The following MACROD2 variants were observed in gnomAD, a reference collection of about 807,000 sequenced individuals.
MACROD2 encodes mono-ADP ribosylhydrolase 2, also known as ADP-ribose glycohydrolase MACROD2.
MACROD2 carries 36 observed loss-of-function variants against 70.4 expected under a neutral mutation model. The ratio of observed to expected loss-of-function variants is 0.51; its 90% confidence interval spans 0.39 to 0.68. The LOEUF is 0.68. Among genes scored for constraint, MACROD2 ranks in the 30% least tolerant of loss-of-function variants. The pLI is 0.00. For missense variants in MACROD2, 496 were observed against 538.4 expected (o/e 0.92, Z 0.78); for synonymous variants, 172 against 178.8 (o/e 0.96, Z 0.30).
rs576723796 is a variant in MACROD2 at position 15,007,380 on chromosome 20, A to C, written c.419-222560A>C. 3.6e-3 allele frequency among the ~76,000 whole-genome samples: 484 copies of C among 132,792 alleles called. 3 individuals carry two copies. Among genetic ancestry groups the C allele is most frequent in the African/African-American group, 0.013 (465 of 36,346 alleles). 87.1% of individuals were successfully genotyped at this position (132,792 alleles called of 152,430 possible). On this transcript the variant is annotated intron_variant, in intron 5 of 17. Transcript: ENST00000684519. ...CTCCATCTCAAAAACAAAAACAAACAAAAAAAAAACACAAAAAAGCCCAGG... is the reference window on the plus strand; with the variant it reads ...CTCCATCTCAAAAACAAAAACAAACCAAAAAAAAACACAAAAAAGCCCAGG...
chr20:15,105,245 A>G (rs1375827503), intron 5 of MACROD2, among the ~76,000 whole-genome samples: 2 of 152,006 alleles, frequency 1.3e-5, no homozygotes, highest in Non-Finnish European at 2.9e-5. Flanking sequence ...TCTATTTGTA[A>G]ATGGTTGTCC....
At position 14,594,668 on chromosome 20, in the gene MACROD2, C is replaced by T. The variant is rs539820622; in HGVS notation, c.302-90175C>T. Among the ~76,000 whole-genome samples, 8 of 152,274 alleles carry T rather than the reference C, an allele frequency of 5.3e-5. No homozygotes were observed. In the East Asian group the frequency reaches 1.2e-3, roughly 22 times the overall value. Reference sequence around the variant, plus strand: ...CAGCACTCTGGGAGGCCAAGGCAGGCGGATCATGAGGTCAGGAGTTTGAGA... The same window carrying T: ...CAGCACTCTGGGAGGCCAAGGCAGGTGGATCATGAGGTCAGGAGTTTGAGA... On this transcript the variant is annotated intron_variant, in intron 4 of 17. Coordinates refer to ENST00000684519, the MANE Select transcript of MACROD2 (RefSeq NM_001351661.2).
intron 5 of MACROD2, chr20:14,757,865 A>G: frequency 6.7e-7 from 1 of 1,500,244 alleles, no homozygotes; most frequent in South Asian, 1.1e-5. Flanking sequence ...AGGGACTGGC[A>G]GGCCTCGGCC....
chr20:15,833,558 T>C (rs961865368), intron 8 of MACROD2, among the ~76,000 whole-genome samples: 6 of 152,270 alleles, frequency 3.9e-5, no homozygotes, highest in African/African-American at 7.2e-5. Flanking sequence ...ATATGAAGGA[T>C]TGAGAAACGT....
chr20:15,220,664 T>A (rs990007030), intron 5 of MACROD2, among the ~76,000 whole-genome samples: 2 of 152,224 alleles, frequency 1.3e-5, no homozygotes, highest in African/African-American at 2.4e-5. Flanking sequence ...TCAAACTCTG[T>A]TCATATAGAG....
intron 5 of MACROD2, among the ~76,000 whole-genome samples, chr20:14,816,926 A>G (rs6042935): frequency 0.08 from 12,142 of 152,168 alleles, 775 homozygotes; most frequent in African/African-American, 0.17. Flanking sequence ...GTAGCTACAT[A>G]GAATCGAAAT....
At position 15,405,746 on chromosome 20, in the gene MACROD2, G is replaced by T. The variant is rs189826421; in HGVS notation, c.541-25659G>T. 2.2e-3 allele frequency among the ~76,000 whole-genome samples: 341 copies of T among 152,268 alleles called. 2 individuals are homozygous for T. The highest frequency in any genetic ancestry group is 7.9e-3 in the African/African-American group (328 of 41,542). The stretch of plus-strand genomic sequence containing the variant: ...CTTCCTACCCCGACCTTCATAGTCA[G>T]GTTCAATCACCAACTGTCCATTCTC... On this transcript the variant is annotated intron_variant, in intron 6 of 17. Coordinates refer to ENST00000684519, the MANE Select transcript of MACROD2 (RefSeq NM_001351661.2).
chr20:14,245,362 CAAAAA>C (rs11477339), intron 3 of MACROD2, among the ~76,000 whole-genome samples: 1 of 129,898 alleles, frequency 7.7e-6, no homozygotes, highest in African/African-American at 2.8e-5. Flanking sequence ...GACTTCGTCT[CAAAAA>C]AAAAAAAAAA....
chr20:14,999,709 G>C (rs532099594), intron 5 of MACROD2, among the ~76,000 whole-genome samples: 1 of 152,306 alleles, frequency 6.6e-6, no homozygotes, highest in Admixed American at 6.5e-5. Flanking sequence ...TTAAAATGTA[G>C]AGTTTTTATT....
intron 4 of MACROD2, 139 bp from the exon 5 acceptor site, chr20:14,684,704 T>C (rs1386829086): frequency 2.9e-5 from 14 of 486,052 alleles, no homozygotes; most frequent in African/African-American, 4.0e-5. Flanking sequence ...GTTTGAAACA[T>C]TGGACACCCT....
At chr20:14,853,906 A>C (rs752179514) in intron 5 of MACROD2, among the ~76,000 whole-genome samples, 2 of 152,184 alleles carry the variant, frequency 1.3e-5, no homozygotes, top group Non-Finnish European at 2.9e-5. Flanking sequence ...ACCATTAAAC[A>C]TAACTATAGT....
intron 6 of MACROD2, among the ~76,000 whole-genome samples, chr20:15,405,615 G>GCA (rs1316122490): frequency 1.3e-5 from 2 of 152,136 alleles, no homozygotes; most frequent in East Asian, 3.9e-4. Flanking sequence ...TGGGGACTTT[G>GCA]CACTTGTACT....
At position 16,043,307 on chromosome 20, in the gene MACROD2, C is replaced by T. The variant is rs550559557; in HGVS notation, c.1232-1264C>T. On this transcript the variant is annotated intron_variant, in intron 16 of 17. Transcript: ENST00000684519. ...TGGAAGCAGAGGTAAAAAATAGGGACGCTGACAGTCACTGACCAAGTCCTG... is the reference window on the plus strand; with the variant it reads ...TGGAAGCAGAGGTAAAAAATAGGGATGCTGACAGTCACTGACCAAGTCCTG... 2.6e-5 allele frequency among the ~76,000 whole-genome samples: 4 copies of T among 152,148 alleles called. No homozygotes were observed. The South Asian group carries it at 8.3e-4, about 32-fold the overall frequency.
chr20:15,286,595 C>T (rs2077494157), intron 6 of MACROD2, among the ~76,000 whole-genome samples: 1 of 151,982 alleles, frequency 6.6e-6, no homozygotes, highest in Non-Finnish European at 1.5e-5. Context: ...ACGAGGGCTA[C>T]AAAGATATAA....
At chr20:15,149,816 C>T (rs982626913) in intron 5 of MACROD2, among the ~76,000 whole-genome samples, 10 of 151,872 alleles carry the variant, frequency 6.6e-5, no homozygotes, top group East Asian at 5.8e-4. Flanking sequence ...CCCTGCACTT[C>T]GGCTGTGTGT....
At chr20:15,679,064 C>T (rs758520987) in intron 8 of MACROD2, among the ~76,000 whole-genome samples, 15 of 151,958 alleles carry the variant, frequency 9.9e-5, no homozygotes, top group Non-Finnish European at 1.9e-4. Context: ...TGGTGAAACC[C>T]CATCTCTACT....
intron 4 of MACROD2, among the ~76,000 whole-genome samples, chr20:14,565,348 T>TAA (rs34426261): frequency 1.4e-4 from 21 of 149,868 alleles, no homozygotes; most frequent in East Asian, 4.0e-4. Context: ...TATAAAAATG[T>TAA]AAAAAAAAAA....
intron 11 of MACROD2, among the ~76,000 whole-genome samples, chr20:15,936,677 A>G (rs1050692893): frequency 1.3e-5 from 2 of 150,476 alleles, no homozygotes; most frequent in African/African-American, 4.9e-5. Context: ...GTGTGTATAT[A>G]TATATATATA....
At chr20:15,602,947 A>C (rs1304175949) in intron 8 of MACROD2, among the ~76,000 whole-genome samples, 2 of 152,134 alleles carry the variant, frequency 1.3e-5, no homozygotes, top group African/African-American at 2.4e-5. Context: ...TTCTTAAAAA[A>C]AAAAATCTAT....
Sources: allele counts gnomAD v4.1 joint callset (sites outside exome capture counted in the v4.1 genomes callset), GRCh38; gene constraint gnomAD v4.1.1; transcripts MANE v1.5; gene names NCBI Gene and HGNC (gene_info 2026-07-23, HGNC 2026-07-21).